Variants in DIS3L2 observed in about 807,000 individuals in gnomAD.
The protein encoded by DIS3L2 is DIS3-like exonuclease 2.
In DIS3L2, 34 loss-of-function variants were observed where a neutral mutation model predicts 97.5. That is an observed-to-expected ratio of 0.35 (90% CI 0.27 to 0.46). The LOEUF (loss-of-function observed/expected upper bound fraction) is 0.46, where lower values mean the gene tolerates loss of function less well. Among genes scored for constraint, DIS3L2 ranks in the 20% least tolerant of loss-of-function variants. The pLI, the probability that DIS3L2 is intolerant of heterozygous loss-of-function variation, is 1.00. For missense variants in DIS3L2, 1,038 were observed against 1,146.0 expected, an observed-to-expected ratio of 0.91 and a Z score of 1.36; for synonymous variants, 435 against 445.2, an observed-to-expected ratio of 0.98 and a Z score of 0.29.
At chr2:231,981,451 A>T (rs980001809) in intron 1 of DIS3L2, among the ~76,000 whole-genome samples, 12 of 151,420 alleles carry the variant, frequency 7.9e-5, no homozygotes, top group Non-Finnish European at 1.5e-4. Flanking sequence ...TCTGTAAATA[A>T]TAAACACATA....
chr2:232,263,137 T>A, intron 12 of DIS3L2, 70 bp from the exon 13 acceptor site: 1 of 1,487,166 alleles, frequency 6.7e-7, no homozygotes. Flanking sequence ...TATGGATGAA[T>A]GGCTGAAGGA....
At chr2:231,992,752 CT>C (rs1693618450) in intron 1 of DIS3L2, among the ~76,000 whole-genome samples, 1 of 152,142 alleles carries the variant, frequency 6.6e-6, no homozygotes. Context: ...TTCTCGAAAT[CT>C]TGATTTTCTT....
Position 232,065,847 on chromosome 2 carries a change from T to C in DIS3L2, c.367-21640T>C, listed in dbSNP as rs557990550. Reference sequence around the variant, plus strand: ...TCTTTAATTTCTTTTGACAGGATTTTGTAGTTTTCAGTGTATAAGTTTTGC... The same window carrying C: ...TCTTTAATTTCTTTTGACAGGATTTCGTAGTTTTCAGTGTATAAGTTTTGC... On this transcript the variant is annotated intron_variant, in intron 5 of 20. Coordinates refer to ENST00000325385, the MANE Select transcript of DIS3L2 (RefSeq NM_152383.5). 3.9e-5 allele frequency among the ~76,000 whole-genome samples: 6 copies of C among 152,102 alleles called. No individual in the cohort carries two copies. The South Asian group carries it at 1.2e-3, about 32-fold the overall frequency.
At position 232,270,860 on chromosome 2, in the gene DIS3L2, G is replaced by GTCTCTC. The variant is rs71056262; in HGVS notation, c.1659+7470_1659+7475dup. 4.8e-3 allele frequency among the ~76,000 whole-genome samples: 494 copies of GTCTCTC among 103,730 alleles called. 3 individuals carry two copies. The highest frequency in any genetic ancestry group is 5.8e-3 in the African/African-American group (161 of 27,638). 68.1% of individuals were successfully genotyped at this position (103,730 alleles called of 152,430 possible). On this transcript the variant is annotated intron_variant, in intron 13 of 20. Coordinates refer to ENST00000325385, the MANE Select transcript of DIS3L2 (RefSeq NM_152383.5). The stretch of plus-strand genomic sequence containing the variant: ...CGCACTCGCGCGCTCTCTTTTTCTC[G>GTCTCTC]TCTCTCTCTCTCTCTCTCTCTCTCT...
chr2:232,203,250 C>T (rs1182820665), intron 9 of DIS3L2, among the ~76,000 whole-genome samples: 1 of 152,112 alleles, frequency 6.6e-6, no homozygotes, highest in African/African-American at 2.4e-5. Flanking sequence ...GACCCAGATC[C>T]TCCTCCCCAG....
chr2:232,160,119 G>A (rs1292400163), intron 8 of DIS3L2, among the ~76,000 whole-genome samples: 1 of 152,166 alleles, frequency 6.6e-6, no homozygotes, highest in Non-Finnish European at 1.5e-5. Flanking sequence ...AGGTACTGCT[G>A]TCTTCATTAA....
intron 9 of DIS3L2, among the ~76,000 whole-genome samples, chr2:232,209,750 T>C (rs1692135198): frequency 6.6e-6 from 1 of 151,956 alleles, no homozygotes; most frequent in African/African-American, 2.4e-5. Flanking sequence ...AGGGTAAGAG[T>C]GTGATGTTCG....
intron 12 of DIS3L2, among the ~76,000 whole-genome samples, chr2:232,250,864 C>G (rs1693398404): frequency 6.6e-6 from 1 of 152,118 alleles, no homozygotes; most frequent in South Asian, 2.1e-4. Flanking sequence ...TCTGAGGACT[C>G]TGAATAGTGA....
intron 1 of DIS3L2, among the ~76,000 whole-genome samples, chr2:231,989,339 T>TTGTGTGTGTGTGTGTGTGTGTG (rs59088969): frequency 1.4e-5 from 2 of 146,690 alleles, no homozygotes; most frequent in African/African-American, 5.1e-5. Context: ...GTCAGTATAA[T>TTGTGTGTGTGTGTGTGTGTGTG]TGTGTGTGTG....
intron 1 of DIS3L2, among the ~76,000 whole-genome samples, chr2:231,983,456 A>T (rs1033899425): frequency 6.6e-6 from 1 of 152,140 alleles, no homozygotes; most frequent in Non-Finnish European, 1.5e-5. Flanking sequence ...ACAGCAGGGG[A>T]TGAGTGGTGA....
intron 1 of DIS3L2, among the ~76,000 whole-genome samples, chr2:232,005,207 A>T (rs1694019059): frequency 7.7e-6 from 1 of 130,370 alleles, no homozygotes; most frequent in Non-Finnish European, 1.6e-5. Flanking sequence ...ACTAGCACTT[A>T]GCTTCAGACC....
chr2:232,096,203 C>T (rs1459753661), intron 6 of DIS3L2, among the ~76,000 whole-genome samples: 2 of 151,758 alleles, frequency 1.3e-5, no homozygotes, highest in African/African-American at 4.8e-5. Flanking sequence ...TCTCCTGCCT[C>T]GGCCTCCCGA....
At chr2:232,039,806 C>G (rs963095182) in intron 5 of DIS3L2, among the ~76,000 whole-genome samples, 86 of 152,298 alleles carry the variant, frequency 5.6e-4, no homozygotes, top group African/African-American at 1.9e-3. Context: ...ATCCAGATCT[C>G]TTGACTTACA....
At chr2:232,238,725 T>C in intron 11 of DIS3L2, 80 bp downstream of exon 11, 3 of 1,259,652 alleles carry the variant, frequency 2.4e-6, no homozygotes, top group Non-Finnish European at 3.3e-6. Flanking sequence ...CTCTCTGTTA[T>C]TACATGTTCT....
chr2:232,279,689 CG>C (rs1311109468), intron 13 of DIS3L2, among the ~76,000 whole-genome samples: 2 of 152,028 alleles, frequency 1.3e-5, no homozygotes, highest in Admixed American at 6.6e-5. Context: ...CCACCACGCC[CG>C]GCTAATTATT....
intron 12 of DIS3L2, among the ~76,000 whole-genome samples, chr2:232,255,128 G>T (rs1693525049): frequency 6.6e-6 from 1 of 152,198 alleles, no homozygotes; most frequent in Non-Finnish European, 1.5e-5. Context: ...AGGGCTGGGG[G>T]AACAAAGTTC....
intron 1 of DIS3L2, among the ~76,000 whole-genome samples, chr2:231,971,691 C>T (rs1287023145): frequency 6.6e-6 from 1 of 152,012 alleles, no homozygotes; most frequent in African/African-American, 2.4e-5. Flanking sequence ...TGTGATCCGC[C>T]TGCCTTGGCC....
intron 12 of DIS3L2, among the ~76,000 whole-genome samples, chr2:232,250,860 G>A (rs925258979): frequency 6.6e-6 from 1 of 152,138 alleles, no homozygotes; most frequent in African/African-American, 2.4e-5. Flanking sequence ...AATCTCTGAG[G>A]ACTCTGAATA....
At chr2:232,185,326 C>T (rs112253262) in intron 9 of DIS3L2, among the ~76,000 whole-genome samples, 1 of 152,126 alleles carries the variant, frequency 6.6e-6, no homozygotes, top group South Asian at 2.1e-4. Context: ...GGAAATTAAA[C>T]AACACACTTA....
Sources: gnomAD v4.1 joint callset for allele counts (sites outside exome capture counted in the v4.1 genomes callset) on GRCh38, gnomAD v4.1.1 for gene constraint, MANE v1.5 for transcripts, NCBI Gene and HGNC (gene_info 2026-07-23, HGNC 2026-07-21) for gene names.